DDX39A: variants seen among roughly 807,000 people sequenced by gnomAD.
DDX39A encodes the protein ATP-dependent RNA helicase DDX39A.
DDX39A carries 13 observed loss-of-function variants against 46.3 expected under a neutral mutation model. That is an observed-to-expected ratio of 0.28 (90% CI 0.18 to 0.45). The LOEUF (loss-of-function observed/expected upper bound fraction) is 0.45. Among genes scored for constraint, DDX39A ranks in the 20% least tolerant of loss-of-function variants. The pLI is 1.00. For synonymous variants in DDX39A, 234 were observed against 224.6 expected (o/e 1.04, Z -0.38); for missense variants, 352 against 581.8 (o/e 0.61, Z 4.06).
chr19:14,411,476 G>C lies in DDX39A; in HGVS notation c.429+30C>G. 6.3e-7 allele frequency: 1 copy of C among 1,589,168 alleles called. No homozygotes were observed. The highest frequency in any genetic ancestry group is 2.2e-5 in the East Asian group (1 of 44,562). On this transcript the variant is annotated intron_variant, in intron 4 of 10. Coordinates refer to ENST00000242776, the MANE Select transcript of DDX39A (RefSeq NM_005804.4). This position sits in a 1 kb window ranked among gnomAD's most constrained non-coding sequence, Gnocchi z 4.1. ...AACAAAGCTGCAGAAACCAAGTGGC[G>C]CCTGGTCCAGTCTGGCCCGAGGGAC...
intron 1 of DDX39A, among the ~76,000 whole-genome samples, chr19:14,413,642 C>T (rs1976683518): frequency 6.6e-6 from 1 of 152,218 alleles, no homozygotes; most frequent in Admixed American, 6.5e-5. Flanking sequence ...CAGGTCTCTG[C>T]ACAAATGCCT....
Position 14,413,305 on chromosome 19 carries a change from C to G in DDX39A, c.-4-81G>C. On this transcript the variant is annotated intron_variant, in intron 1 of 10. Coordinates refer to ENST00000242776, the MANE Select transcript of DDX39A (RefSeq NM_005804.4). ...TCATTCAAATGGCATTCTCTGCCGCCTCCTTCCATGAGTGAGCCCATCAGC... is the reference window on the plus strand; with the variant it reads ...TCATTCAAATGGCATTCTCTGCCGCGTCCTTCCATGAGTGAGCCCATCAGC... 2.3e-6 allele frequency: 3 copies of G among 1,308,418 alleles called. No individual in the cohort carries two copies. In the East Asian group the frequency reaches 7.3e-5, roughly 32 times the overall value. The allele number at this position is 1,308,418 out of a possible 1,614,324, so 81.1% of individuals were successfully genotyped here. A position where few individuals can be genotyped will look rare whatever the true frequency, so the allele number is the denominator to read the frequency against.
intron 1 of DDX39A, chr19:14,416,030 CCCTCCAGCCTGGGCGACAGAGCAAGA>C (rs1427060742): frequency 6.5e-6 from 1 of 152,948 alleles, no homozygotes. Flanking sequence ...CACACCATGG[CCCTCCAGCCTGGGCGACAGAGCAAGA>C]CCAAGACTCT....
In DDX39A at chr19:14,410,869, G is replaced by T; in HGVS notation, c.613+120C>A. The T allele has an allele frequency of 1.1e-6, 1 of 933,820 alleles. No individual in the cohort carries two copies. Among genetic ancestry groups the T allele is most frequent in the Non-Finnish European group, 1.5e-6 (1 of 652,294 alleles). 57.8% of individuals were successfully genotyped at this position (933,820 alleles called of 1,614,324 possible). A position where few individuals can be genotyped will look rare whatever the true frequency, so the allele number is the denominator to read the frequency against. Reference sequence around the variant, plus strand: ...CTGCCAGCAGCAGAGCTTTCCCCAAGATCACCACAGGAGCCCCGCCTGCCG... The same window carrying T: ...CTGCCAGCAGCAGAGCTTTCCCCAATATCACCACAGGAGCCCCGCCTGCCG... On this transcript the variant is annotated intron_variant, in intron 5 of 10. Transcript: ENST00000242776. The surrounding 1 kb of genome is among the most constrained non-coding windows in gnomAD (Gnocchi z 4.3).
At position 14,413,055 on chromosome 19, in the gene DDX39A, G is replaced by A. The variant is rs1976658583; in HGVS notation, c.166C>T (p.Leu56=). Residue 56 remains leucine, a synonymous_variant, in exon 2 of 11, where the codon CTG becomes TTG. Transcript: ENST00000242776. ...AAGCCACAGTCCACGATGGCCCGCA[G>A]GAGCTCCGGCTTCAGCAGAAAGTCC... ...FRDFLLKPEL[L]RAIVDCGFEH... 6.2e-7 allele frequency: 1 copy of A among 1,614,212 alleles called. No homozygotes were observed. The highest frequency in any genetic ancestry group is 8.5e-7 in the Non-Finnish European group (1 of 1,180,046).
chr19:14,417,722 C>A (rs946565712), intron 1 of DDX39A, among the ~76,000 whole-genome samples: 4 of 151,944 alleles, frequency 2.6e-5, no homozygotes, highest in Admixed American at 2.6e-4. Flanking sequence ...AAAATTAGCC[C>A]GGTGTGGTGG....
chr19:14,413,215 T>G lies in DDX39A; in HGVS notation c.6A>C (p.Ala2=). The G allele has an allele frequency of 6.2e-7, 1 of 1,613,712 alleles. No homozygotes were observed. The highest frequency in any genetic ancestry group is 8.5e-7 in the Non-Finnish European group (1 of 1,179,852). M[A]EQDVENDLLD... ...AAAGATCGTTTTCCACATCCTGTTC[T>G]GCCATGATGCTGAGAAGAGAGAGAG... The change falls in exon 2 of 11, where the codon GCA becomes GCC. Residue 2 remains alanine, a synonymous_variant. Transcript: ENST00000242776.
Position 14,412,895 on chromosome 19 carries a change from G to A in DDX39A, c.208+118C>T, listed in dbSNP as rs1757478577. The A allele has an allele frequency of 2.3e-6, 3 of 1,324,582 alleles. No individual in the cohort carries two copies. Among genetic ancestry groups the A allele is most frequent in the South Asian group, 1.4e-5 (1 of 71,786 alleles). 82.1% of individuals were successfully genotyped at this position (1,324,582 alleles called of 1,614,324 possible). On this transcript the variant is annotated intron_variant, in intron 2 of 10. Coordinates refer to ENST00000242776, the MANE Select transcript of DDX39A (RefSeq NM_005804.4). This position sits in a 1 kb window ranked among gnomAD's most constrained non-coding sequence, Gnocchi z 4.4. ...CCCCGCTGGGCACAACTGATCCGCG[G>A]GACAGACGGGCCCCTCCCTCACCCA...
At chr19:14,417,070 TG>T (rs1293656905) in intron 1 of DDX39A, among the ~76,000 whole-genome samples, 3 of 152,158 alleles carry the variant, frequency 2.0e-5, no homozygotes, top group Non-Finnish European at 4.4e-5. Flanking sequence ...CCAAGAGTAC[TG>T]TAACTTACTC....
Position 14,412,472 on chromosome 19 carries a change from G to T in DDX39A, c.336+79C>A. ...GCTTCCCAAAGCACTGGGCTAACAG[G>T]TGTGAGCCACCCCATCCAGCCTACT... On this transcript the variant is annotated intron_variant, in intron 3 of 10. Coordinates refer to ENST00000242776, the MANE Select transcript of DDX39A (RefSeq NM_005804.4). This position sits in a 1 kb window ranked among gnomAD's most constrained non-coding sequence, Gnocchi z 4.4. 1 of 1,534,006 alleles carries T rather than the reference G, an allele frequency of 6.5e-7. No individual in the cohort carries two copies. Among genetic ancestry groups the T allele is most frequent in the South Asian group, 1.2e-5 (1 of 82,246 alleles).
chr19:14,409,452 G>C lies in DDX39A; in HGVS notation c.975-5C>G. The C allele has an allele frequency of 6.2e-7, 1 of 1,613,894 alleles. No individual in the cohort carries two copies. The highest frequency in any genetic ancestry group is 8.5e-7 in the Non-Finnish European group (1 of 1,180,014). ...AACTGCTGATAGCGTGACAGGCTGG[G>C]GTGCAGGAGAAACAAGTGGAGGCCG... On this transcript the variant is annotated splice_region_variant and splice_polypyrimidine_tract_variant and intron_variant, in intron 8 of 10. Coordinates refer to ENST00000242776, the MANE Select transcript of DDX39A (RefSeq NM_005804.4). The surrounding 1 kb of genome is among the most constrained non-coding windows in gnomAD (Gnocchi z 8.3).
Position 14,412,385 on chromosome 19 carries a change from GTGGTGTGATCA to G in DDX39A, c.336+155_336+165del. On this transcript the variant is annotated intron_variant, in intron 3 of 10. Coordinates refer to ENST00000242776, the MANE Select transcript of DDX39A (RefSeq NM_005804.4). The surrounding 1 kb of genome is among the most constrained non-coding windows in gnomAD (Gnocchi z 4.4). ...CCTCTGCCACCCAGGCTGGAGTGCA[GTGGTGTGATCA>G]TAGCACACTGCAGCCTCGACTTCCT... 1 of 818,984 alleles carries G rather than the reference GTGGTGTGATCA, an allele frequency of 1.2e-6. No homozygotes were observed. The highest frequency in any genetic ancestry group is 1.9e-6 in the Non-Finnish European group (1 of 539,594). The allele number at this position is 818,984 out of a possible 1,614,324, so 50.7% of individuals were successfully genotyped here.
Position 14,408,967 on chromosome 19 carries a change from A to G in DDX39A, c.1268-15T>C, listed in dbSNP as rs1294482835. 1 of 1,607,812 alleles carries G rather than the reference A, an allele frequency of 6.2e-7. No homozygotes were observed. Among genetic ancestry groups the G allele is most frequent in the Non-Finnish European group, 8.5e-7 (1 of 1,175,532 alleles). On this transcript the variant is annotated splice_polypyrimidine_tract_variant and intron_variant, in intron 10 of 10. Coordinates refer to ENST00000242776, the MANE Select transcript of DDX39A (RefSeq NM_005804.4). ...GCTCTGCTCGACTGTAAGACATGAG[A>G]TGCAGTGAACTGAAGGGCCGGGGGA...
Position 14,410,687 on chromosome 19 carries a change from C to G in DDX39A, c.613+302G>C. 1 of 518,384 alleles carries G rather than the reference C, an allele frequency of 1.9e-6. No individual in the cohort carries two copies. The allele number at this position is 518,384 out of a possible 1,614,324, so 32.1% of individuals were successfully genotyped here. On this transcript the variant is annotated intron_variant, in intron 5 of 10. Transcript: ENST00000242776. The surrounding 1 kb of genome is among the most constrained non-coding windows in gnomAD (Gnocchi z 4.3). ...CCATCTCCCACCGGCCCTGTCGGGG[C>G]TCACTGAGGGCAGGCGGGGCCTGGA...
rs1217892739 is a variant in DDX39A, at chr19:14,410,785, G to A, written c.613+204C>T. On this transcript the variant is annotated intron_variant, in intron 5 of 10. Coordinates refer to ENST00000242776, the MANE Select transcript of DDX39A (RefSeq NM_005804.4). This position sits in a 1 kb window ranked among gnomAD's most constrained non-coding sequence, Gnocchi z 4.3. ...GCATGCCTTTACGTCCAGGAGGGACGGGGGCTTGCTTGGGCCCCGTGGTCC... is the reference window on the plus strand; with the variant it reads ...GCATGCCTTTACGTCCAGGAGGGACAGGGGCTTGCTTGGGCCCCGTGGTCC... 4 of 551,204 alleles carry A rather than the reference G, an allele frequency of 7.3e-6. No individual in the cohort carries two copies. Among genetic ancestry groups the A allele is most frequent in the African/African-American group, 3.8e-5 (2 of 52,890 alleles). 34.1% of individuals were successfully genotyped at this position (551,204 alleles called of 1,614,324 possible).
chr19:14,411,207 T>TACA lies in DDX39A; in HGVS notation c.430-38_430-36dup. ...TGAGGAGGAAACCGCTCCATGCTGA[T>TACA]ACACGGCCCAAGGCCCCAACCTGCA... On this transcript the variant is annotated intron_variant, in intron 4 of 10. Coordinates refer to ENST00000242776, the MANE Select transcript of DDX39A (RefSeq NM_005804.4). This position sits in a 1 kb window ranked among gnomAD's most constrained non-coding sequence, Gnocchi z 4.1. 6.5e-7 allele frequency: 1 copy of TACA among 1,538,058 alleles called. No individual in the cohort carries two copies. Among genetic ancestry groups the TACA allele is most frequent in the African/African-American group, 1.4e-5 (1 of 72,240 alleles).
rs774780759 is a variant in DDX39A at position 14,409,179 on chromosome 19, G to C, written c.1125C>G (p.Ala375=). 2 of 1,614,148 alleles carry C rather than the reference G, an allele frequency of 1.2e-6. No homozygotes were observed. Among genetic ancestry groups the C allele is most frequent in the Non-Finnish European group, 1.7e-6 (2 of 1,180,032 alleles). Residue 375 remains alanine (A), a synonymous_variant, in exon 10 of 11, where the codon GCC becomes GCG. Coordinates refer to ENST00000242776, the MANE Select transcript of DDX39A (RefSeq NM_005804.4). This position sits in a 1 kb window ranked among gnomAD's most constrained non-coding sequence, Gnocchi z 8.3. The part of the protein sequence containing the change: ...EDSDTYLHRV[A]RAGRFGTKGL... The stretch of plus-strand genomic sequence containing the variant: ...CTTTGGTGCCAAAGCGACCCGCCCG[G>C]GCCACCTGCAGGCAGACAGGATCAG...
chr19:14,418,740 A>G (rs761949442), intron 1 of DDX39A, among the ~76,000 whole-genome samples: 8 of 152,034 alleles, frequency 5.3e-5, no homozygotes, highest in Non-Finnish European at 1.0e-4. Flanking sequence ...CTGAGATTAC[A>G]AGAGCCACCG....
At chr19:14,418,531 C>T (rs1460882913) in intron 1 of DDX39A, among the ~76,000 whole-genome samples, 3 of 152,104 alleles carry the variant, frequency 2.0e-5, no homozygotes, top group Non-Finnish European at 4.4e-5. Context: ...GATCTCGGCT[C>T]ACTGTAACCT....
Sources: allele counts gnomAD v4.1 joint callset (sites outside exome capture counted in the v4.1 genomes callset), GRCh38; gene constraint gnomAD v4.1.1; non-coding constraint Gnocchi (gnomAD v3.1); transcripts MANE v1.5; gene names NCBI Gene and HGNC (gene_info 2026-07-23, HGNC 2026-07-21).